Variants in CDH22 observed in about 807,000 individuals in gnomAD.
CDH22 encodes cadherin 22.
Under a neutral mutation model 58.4 loss-of-function variants are expected in CDH22, and 30 were observed. The observed-to-expected ratio is 0.51, with a 90% CI of 0.38 to 0.70. The LOEUF (loss-of-function observed/expected upper bound fraction) is 0.70. Among genes scored for constraint, CDH22 ranks in the 30% least tolerant of loss-of-function variants. The probability of loss-of-function intolerance (pLI) is 0.00; values close to 1 mark genes in which losing one functional copy is unlikely to be tolerated. For synonymous variants in CDH22, 513 were observed against 558.2 expected, an observed-to-expected ratio of 0.92 and a Z score of 1.14; for missense variants, 1,014 against 1,233.9, an observed-to-expected ratio of 0.82 and a Z score of 2.67.
At chr20:46,201,894 C>G (rs924217812) in intron 7 of CDH22, among the ~76,000 whole-genome samples, 1 of 152,164 alleles carries the variant, frequency 6.6e-6, no homozygotes. Context: ...TGCTTCTCCC[C>G]CAACCATCCC....
chr20:46,295,568 T>C (rs1270065599), intron 1 of CDH22, among the ~76,000 whole-genome samples: 1 of 152,138 alleles, frequency 6.6e-6, no homozygotes, highest in African/African-American at 2.4e-5. Context: ...GGTGGTTAAG[T>C]AACTTGTGTA....
At chr20:46,225,298 A>G (rs986986571) in intron 4 of CDH22, among the ~76,000 whole-genome samples, 1 of 152,228 alleles carries the variant, frequency 6.6e-6, no homozygotes, top group Non-Finnish European at 1.5e-5. Context: ...TGTTGTAGCA[A>G]AAGATTGGAA....
chr20:46,226,249 T>A (rs997630956), intron 4 of CDH22, among the ~76,000 whole-genome samples: 4 of 9,300 alleles, frequency 4.3e-4, no homozygotes, highest in Admixed American at 3.0e-3. Context: ...TTCTTCTTCT[T>A]CTTCTTCTTC....
intron 1 of CDH22, among the ~76,000 whole-genome samples, chr20:46,293,260 T>C (rs1007507297): frequency 1.3e-5 from 2 of 152,164 alleles, no homozygotes; most frequent in African/African-American, 4.8e-5. Context: ...GAGAGTACCT[T>C]GGACAGCAAC....
At chr20:46,196,420 C>T (rs1411432232) in intron 8 of CDH22, among the ~76,000 whole-genome samples, 2 of 152,112 alleles carry the variant, frequency 1.3e-5, no homozygotes, top group Non-Finnish European at 2.9e-5. Context: ...AGTATATGCA[C>T]ACGCCACCAT....
Position 46,216,685 on chromosome 20 carries a change from G to GGACA in CDH22, c.838+137_838+140dup, listed in dbSNP as rs200202008. The GGACA allele has an allele frequency of 1.2e-5, 10 of 830,058 alleles. No individual in the cohort carries two copies. Among genetic ancestry groups the GGACA allele is most frequent in the Non-Finnish European group, 1.9e-5 (10 of 519,988 alleles). 51.4% of individuals were successfully genotyped at this position (830,058 alleles called of 1,614,324 possible). ...CTGGGGGATAGCTGGTGGCTTGGGAGGACAGACAGACAGACAGAAAGAGAG... is the reference window on the plus strand; with the variant it reads ...CTGGGGGATAGCTGGTGGCTTGGGAGGACAGACAGACAGACAGACAGAAAGAGAG... On this transcript the variant is annotated intron_variant, in intron 5 of 11. Coordinates refer to ENST00000537909, the MANE Select transcript of CDH22 (RefSeq NM_021248.3). The surrounding 1 kb of genome is among the most constrained non-coding windows in gnomAD (Gnocchi z 5.3).
chr20:46,281,085 G>A (rs1214909069), intron 1 of CDH22, among the ~76,000 whole-genome samples: 1 of 152,246 alleles, frequency 6.6e-6, no homozygotes, highest in African/African-American at 2.4e-5. Flanking sequence ...TCTGGGGTCA[G>A]CTCACTGGGG....
In CDH22 at chr20:46,249,765, A is replaced by G. The variant is rs546741507; in HGVS notation, c.255+1275T>C. Reference sequence around the variant, plus strand: ...CACCACCCCACTTTCATGCCCTACAATCACCCTCCACTTCAACACCTTAAC... The same window carrying G: ...CACCACCCCACTTTCATGCCCTACAGTCACCCTCCACTTCAACACCTTAAC... On this transcript the variant is annotated intron_variant, in intron 2 of 11. Transcript: ENST00000537909. Among the ~76,000 whole-genome samples the G allele has an allele frequency of 3.9e-5, 6 of 152,192 alleles. No homozygotes were observed. The East Asian group carries it at 5.8e-4, about 15-fold the overall frequency.
intron 8 of CDH22, among the ~76,000 whole-genome samples, chr20:46,193,508 C>T (rs565810794): frequency 1.1e-4 from 16 of 152,294 alleles, no homozygotes; most frequent in Non-Finnish European, 2.1e-4. Context: ...CCCGAGGGAA[C>T]ACTGGGGACC....
chr20:46,237,433 C>G (rs929150790), intron 3 of CDH22, among the ~76,000 whole-genome samples: 1 of 152,174 alleles, frequency 6.6e-6, no homozygotes, highest in East Asian at 1.9e-4. Context: ...CTGCCCAGAC[C>G]CTGGTGCTGC....
chr20:46,201,306 T>A (rs1218350081), intron 7 of CDH22, among the ~76,000 whole-genome samples: 1 of 151,888 alleles, frequency 6.6e-6, no homozygotes, highest in East Asian at 1.9e-4. Flanking sequence ...TCTCCCAGAG[T>A]GGGGAGGGGA....
At chr20:46,184,235 A>T (rs2085809281) in intron 10 of CDH22, among the ~76,000 whole-genome samples, 1 of 151,816 alleles carries the variant, frequency 6.6e-6, no homozygotes, top group South Asian at 2.1e-4. Flanking sequence ...AGTAGCTGGG[A>T]TTACAGGCAT....
chr20:46,218,530 G>T (rs1349422771), intron 4 of CDH22, among the ~76,000 whole-genome samples: 1 of 152,202 alleles, frequency 6.6e-6, no homozygotes, highest in Non-Finnish European at 1.5e-5. Context: ...CACATTTGTG[G>T]TGTATGGACA....
At chr20:46,194,825 G>A (rs1372398389) in intron 8 of CDH22, among the ~76,000 whole-genome samples, 2 of 152,126 alleles carry the variant, frequency 1.3e-5, no homozygotes, top group Non-Finnish European at 2.9e-5. Flanking sequence ...CACCTCCTGG[G>A]TTCAAGCAAT....
At position 46,174,904 on chromosome 20, in the gene CDH22, G is replaced by T; in HGVS notation, c.2089C>A (p.Leu697Ile). The T allele has an allele frequency of 6.7e-7, 1 of 1,493,530 alleles. No homozygotes were observed. Among genetic ancestry groups the T allele is most frequent in the Non-Finnish European group, 8.9e-7 (1 of 1,123,076 alleles). 92.5% of individuals were successfully genotyped at this position (1,493,530 alleles called of 1,614,324 possible). A position where few individuals can be genotyped will look rare whatever the true frequency, so the allele number is the denominator to read the frequency against. The change falls in exon 12 of 12, where the codon CTC becomes ATC. Residue 697 changes from leucine (L) to isoleucine (I), a missense_variant. Leu to Ile is a conservative substitution (Grantham distance 5). This residue lies in a region of CDH22 where 208 missense variants were observed against 195.2 expected (regional missense o/e 1.07). Coordinates refer to ENST00000537909, the MANE Select transcript of CDH22 (RefSeq NM_021248.3). This position sits in a 1 kb window ranked among gnomAD's most constrained non-coding sequence, Gnocchi z 4.4. ...CTGCCGCCCCCGTCGCCGCCCTTGA[G>T]CTCGCCGAAGTCGTAGAGGCTCCGC... ...ALRSLYDFGE[L>I]KGGDGGGSAG...
rs2086372424 is a variant in CDH22 at position 46,251,307 on chromosome 20, C to T, written c.-13G>A. 2.8e-6 allele frequency: 4 copies of T among 1,443,462 alleles called. No individual in the cohort carries two copies. The highest frequency in any genetic ancestry group is 1.5e-5 in the African/African-American group (1 of 66,632). 89.4% of individuals were successfully genotyped at this position (1,443,462 alleles called of 1,614,324 possible). ...GCCTCGGCCTCATCCTTGGCCTGCG[C>T]GGGGCTGGGGCCCAGGAGCATGGAC... On this transcript the variant is annotated 5_prime_UTR_variant, in exon 2 of 12. Transcript: ENST00000537909. The surrounding 1 kb of genome is among the most constrained non-coding windows in gnomAD (Gnocchi z 6.7).
chr20:46,234,706 A>G (rs1413731759), intron 3 of CDH22, among the ~76,000 whole-genome samples: 1 of 152,232 alleles, frequency 6.6e-6, no homozygotes, highest in Non-Finnish European at 1.5e-5. Context: ...CCCATGGCAG[A>G]CATTACTAAT....
Position 46,178,208 on chromosome 20 carries a change from A to C in CDH22, c.1664-11T>G. ...CTGCAGCGGTGTTGTCTGTTCCGGA[A>C]GAAGGGGGAGCGGTGTGACTTGGGG... On this transcript the variant is annotated splice_polypyrimidine_tract_variant and intron_variant, in intron 10 of 11. Transcript: ENST00000537909. 6.2e-7 allele frequency: 1 copy of C among 1,606,224 alleles called. No homozygotes were observed. Among genetic ancestry groups the C allele is most frequent in the Non-Finnish European group, 8.5e-7 (1 of 1,174,016 alleles).
In CDH22 at chr20:46,251,497, G is replaced by T. The variant is rs886238837; in HGVS notation, c.-203C>A. 4.3e-6 allele frequency: 2 copies of T among 463,172 alleles called. No individual in the cohort carries two copies. Among genetic ancestry groups the T allele is most frequent in the Non-Finnish European group, 6.8e-6 (2 of 292,446 alleles). The allele number at this position is 463,172 out of a possible 1,614,324, so 28.7% of individuals were successfully genotyped here. ...GGGGTACCCGGCTGGAGGGGGAGGG[G>T]GCGCGGCCGCATCCGGGGCATGGAC... On this transcript the variant is annotated 5_prime_UTR_variant, in exon 2 of 12. Transcript: ENST00000537909. The surrounding 1 kb of genome is among the most constrained non-coding windows in gnomAD (Gnocchi z 6.7).
Sources: allele counts gnomAD v4.1 joint callset (sites outside exome capture counted in the v4.1 genomes callset), GRCh38; gene constraint gnomAD v4.1.1; regional missense constraint gnomAD v4.1.1; non-coding constraint Gnocchi (gnomAD v3.1); transcripts MANE v1.5; gene names NCBI Gene and HGNC (gene_info 2026-07-23, HGNC 2026-07-21).